Variants in MGMT observed in about 807,000 individuals in gnomAD.
The protein encoded by MGMT is methylated-DNA--protein-cysteine methyltransferase.
MGMT carries 14 observed loss-of-function variants against 15.9 expected under a neutral mutation model. The observed-to-expected ratio is 0.88, with a 90% CI of 0.58 to 1.37. MGMT has a LOEUF of 1.37. MGMT is among the 40% of genes most tolerant of loss of function. The probability of loss-of-function intolerance (pLI) is 0.00; values close to 1 mark genes in which losing one functional copy is unlikely to be tolerated. For missense variants in MGMT, 282 were observed against 268.1 expected (o/e 1.05, Z -0.36); for synonymous variants, 130 against 118.2 (o/e 1.10, Z -0.65).
intron 1 of MGMT, among the ~76,000 whole-genome samples, chr10:129,507,992 G>A (rs936248749): frequency 6.6e-6 from 1 of 152,170 alleles, no homozygotes; most frequent in Non-Finnish European, 1.5e-5. Flanking sequence ...CCTTTGCAGG[G>A]AGGTGACGCC....
At chr10:129,467,378 C>A in intron 1 of MGMT, 82 bp downstream of exon 1, 3 of 1,398,214 alleles carry the variant, frequency 2.1e-6, no homozygotes, top group South Asian at 1.5e-5. Flanking sequence ...GTCCTGCAGG[C>A]GCCCTCACTT....
Position 129,736,892 on chromosome 10 carries a change from T to C in MGMT, c.275-22310T>C, listed in dbSNP as rs552265626. On this transcript the variant is annotated intron_variant, in intron 3 of 4. Transcript: ENST00000651593. ...TAAGAATGTTGAATATTGGCCCCCATTCTCTTCTGGCTTGTAGAGTTTCTG... is the reference window on the plus strand; with the variant it reads ...TAAGAATGTTGAATATTGGCCCCCACTCTCTTCTGGCTTGTAGAGTTTCTG... Among the ~76,000 whole-genome samples the C allele has an allele frequency of 6.8e-4, 103 of 152,306 alleles. 1 individual carries two copies. The East Asian group carries it at 0.011, about 17-fold the overall frequency.
At chr10:129,643,687 T>C (rs1425404711) in intron 2 of MGMT, among the ~76,000 whole-genome samples, 1 of 152,232 alleles carries the variant, frequency 6.6e-6, no homozygotes, top group South Asian at 2.1e-4. Context: ...ATTTCTTCAA[T>C]GTTCACAGTA....
intron 2 of MGMT, among the ~76,000 whole-genome samples, chr10:129,597,007 C>T (rs1846759090): frequency 2.0e-5 from 3 of 152,122 alleles, no homozygotes; most frequent in South Asian, 4.1e-4. Flanking sequence ...TGCTGGAGAT[C>T]TAGGAGTTTT....
At chr10:129,497,614 C>G (rs1451595248) in intron 1 of MGMT, among the ~76,000 whole-genome samples, 1 of 152,208 alleles carries the variant, frequency 6.6e-6, no homozygotes, top group African/African-American at 2.4e-5. Flanking sequence ...CACGGGTGCA[C>G]TACTGTAAAC....
intron 2 of MGMT, among the ~76,000 whole-genome samples, chr10:129,563,558 A>G (rs517162): frequency 1.3e-5 from 2 of 152,042 alleles, no homozygotes; most frequent in African/African-American, 4.8e-5. Context: ...TTAATTTTTT[A>G]AAAAAAATCA....
At chr10:129,599,613 T>C (rs1846794101) in intron 2 of MGMT, among the ~76,000 whole-genome samples, 1 of 152,160 alleles carries the variant, frequency 6.6e-6, no homozygotes, top group Admixed American at 6.6e-5. Context: ...ATTATGGTAA[T>C]AAGCGTCCTT....
intron 2 of MGMT, among the ~76,000 whole-genome samples, chr10:129,690,426 G>A (rs1309732199): frequency 1.3e-5 from 2 of 152,192 alleles, no homozygotes; most frequent in Non-Finnish European, 2.9e-5. Context: ...TTTGTGGCAT[G>A]AGTATGTACA....
At chr10:129,509,765 A>G (rs1845662033) in intron 1 of MGMT, among the ~76,000 whole-genome samples, 1 of 152,134 alleles carries the variant, frequency 6.6e-6, no homozygotes, top group Non-Finnish European at 1.5e-5. Context: ...CTATATATGT[A>G]ATTTTGTTTT....
In MGMT at chr10:129,766,941, G is replaced by T. The variant is rs1288043454; in HGVS notation, c.568G>T (p.Ala190Ser). 6 of 1,613,052 alleles carry T rather than the reference G, an allele frequency of 3.7e-6. No individual in the cohort carries two copies. The East Asian group carries it at 1.3e-4, about 36-fold the overall frequency. Residue 190 changes from alanine (A) to serine (S), a missense_variant, in exon 5 of 5, where the codon GCC (alanine) becomes TCC (serine). Physicochemically the swap from Ala to Ser is moderately conservative, Grantham distance 99. Transcript: ENST00000651593. ...GGGAGGGAGCTCAGGTCTGGCAGGG[G>T]CCTGGCTCAAGGGAGCGGGAGCTAC... ...GLGGSSGLAG[A>S]WLKGAGATSG...
chr10:129,477,609 C>T (rs982246541), intron 1 of MGMT, among the ~76,000 whole-genome samples: 4 of 152,138 alleles, frequency 2.6e-5, no homozygotes, highest in East Asian at 1.9e-4. Flanking sequence ...CCTCCCATAC[C>T]GTGTGAGGAC....
intron 2 of MGMT, among the ~76,000 whole-genome samples, chr10:129,559,780 C>G (rs958192561): frequency 3.3e-5 from 5 of 152,034 alleles, no homozygotes; most frequent in Admixed American, 3.3e-4. Flanking sequence ...TTTAAAAAAA[C>G]CTACAAACTT....
intron 2 of MGMT, among the ~76,000 whole-genome samples, chr10:129,629,593 G>T (rs543946565): frequency 5.3e-5 from 8 of 152,300 alleles, no homozygotes; most frequent in African/African-American, 1.9e-4. Flanking sequence ...TGCCACCTCG[G>T]CACCTTCGCG....
chr10:129,671,859 A>G (rs1160232016), intron 2 of MGMT, among the ~76,000 whole-genome samples: 1 of 152,216 alleles, frequency 6.6e-6, no homozygotes, highest in Non-Finnish European at 1.5e-5. Flanking sequence ...ACCAGTTGCA[A>G]CCTCAGATTG....
At chr10:129,497,841 C>T (rs1463415230) in intron 1 of MGMT, among the ~76,000 whole-genome samples, 12 of 152,184 alleles carry the variant, frequency 7.9e-5, no homozygotes, top group Admixed American at 3.3e-4. Context: ...GAGGACGCGG[C>T]GAGAAGGTGC....
intron 2 of MGMT, among the ~76,000 whole-genome samples, chr10:129,632,102 T>C (rs1847216783): frequency 6.6e-6 from 1 of 152,226 alleles, no homozygotes; most frequent in Non-Finnish European, 1.5e-5. Flanking sequence ...TCACACTGCA[T>C]GTGTTGTAGT....
At chr10:129,758,929 C>T (rs1848837924) in intron 3 of MGMT, among the ~76,000 whole-genome samples, 1 of 152,226 alleles carries the variant, frequency 6.6e-6, no homozygotes, top group Non-Finnish European at 1.5e-5. Flanking sequence ...CGCAACCCCA[C>T]GCGGAACACG....
chr10:129,683,261 G>A (rs572094585), intron 2 of MGMT, among the ~76,000 whole-genome samples: 1 of 152,274 alleles, frequency 6.6e-6, no homozygotes, highest in South Asian at 2.1e-4. Flanking sequence ...GTAGGAGTAC[G>A]GGGGCAGCAT....
intron 2 of MGMT, among the ~76,000 whole-genome samples, chr10:129,689,003 G>A (rs1274998660): frequency 6.6e-6 from 1 of 152,014 alleles, no homozygotes; most frequent in African/African-American, 2.4e-5. Flanking sequence ...TGTCACCCAG[G>A]CTGGATGGAG....
Sources: allele counts gnomAD v4.1 joint callset (sites outside exome capture counted in the v4.1 genomes callset), GRCh38; gene constraint gnomAD v4.1.1; transcripts MANE v1.5; gene names NCBI Gene and HGNC (gene_info 2026-07-23, HGNC 2026-07-21).